Variants in CSMD1 observed in about 807,000 individuals in gnomAD.
The protein encoded by CSMD1 is CUB and sushi domain-containing protein 1.
A neutral mutation model predicts 417.5 loss-of-function variants in CSMD1; 213 were observed. The observed-to-expected ratio is 0.51, with a 90% confidence interval of 0.46 to 0.57. The LOEUF (loss-of-function observed/expected upper bound fraction) is 0.57. Among genes scored for constraint, CSMD1 ranks in the 20% least tolerant of loss-of-function variants. The pLI is 0.00. For missense variants in CSMD1, 6,923 were observed against 4,529.7 expected (o/e 1.53, Z -15.17); for synonymous variants, 2,862 against 1,736.8 (o/e 1.65, Z -16.11).
chr8:4,779,743 T>C (rs888053212), intron 1 of CSMD1, among the ~76,000 whole-genome samples: 1 of 152,056 alleles, frequency 6.6e-6, no homozygotes, highest in African/African-American at 2.4e-5. Context: ...AAATAAGAAA[T>C]AAATCCTGCT....
At chr8:4,524,473 G>C (rs1796404348) in intron 2 of CSMD1, among the ~76,000 whole-genome samples, 1 of 152,100 alleles carries the variant, frequency 6.6e-6, no homozygotes, top group South Asian at 2.1e-4. Context: ...AGCTGAGTGA[G>C]GCCACGTTGG....
chr8:4,730,854 C>G (rs2116954872), intron 1 of CSMD1, among the ~76,000 whole-genome samples: 1 of 152,168 alleles, frequency 6.6e-6, no homozygotes, highest in Non-Finnish European at 1.5e-5. Flanking sequence ...GAAATAAGAG[C>G]CGTAACGAGA....
intron 42 of CSMD1, among the ~76,000 whole-genome samples, chr8:3,110,997 G>A (rs1816478559): frequency 6.6e-6 from 1 of 152,002 alleles, no homozygotes; most frequent in African/African-American, 2.4e-5. Flanking sequence ...AAAATGACAT[G>A]TCCAAACACT....
At chr8:4,221,785 T>C (rs1269512997) in intron 3 of CSMD1, among the ~76,000 whole-genome samples, 1 of 152,190 alleles carries the variant, frequency 6.6e-6, no homozygotes, top group African/African-American at 2.4e-5. Flanking sequence ...ATATACATTC[T>C]GAAAGGTGGA....
At chr8:4,329,137 T>G (rs888288170) in intron 3 of CSMD1, among the ~76,000 whole-genome samples, 1 of 152,214 alleles carries the variant, frequency 6.6e-6, no homozygotes. Flanking sequence ...CAAACGTGTG[T>G]TATCTGTCTT....
At chr8:4,146,141 G>A (rs572761399) in intron 3 of CSMD1, among the ~76,000 whole-genome samples, 1 of 151,020 alleles carries the variant, frequency 6.6e-6, no homozygotes, top group South Asian at 2.1e-4. Flanking sequence ...GCCTACATAT[G>A]ATGGGTGACA....
chr8:4,414,303 C>T (rs1441875620), intron 3 of CSMD1, among the ~76,000 whole-genome samples: 1 of 152,170 alleles, frequency 6.6e-6, no homozygotes, highest in African/African-American at 2.4e-5. Flanking sequence ...AAGCCCCGCC[C>T]ATCCTAAATC....
intron 25 of CSMD1, among the ~76,000 whole-genome samples, chr8:3,291,532 A>C (rs979729892): frequency 6.6e-6 from 1 of 152,046 alleles, no homozygotes; most frequent in African/African-American, 2.4e-5. Flanking sequence ...CAGAGATTCA[A>C]CTTCTTCCTG....
chr8:4,417,917 T>C (rs928321439), intron 3 of CSMD1, among the ~76,000 whole-genome samples: 1 of 152,114 alleles, frequency 6.6e-6, no homozygotes, highest in Admixed American at 6.6e-5. Flanking sequence ...AAGTATTTGG[T>C]ACTTGCAATA....
chr8:4,168,961 C>G (rs1393352778), intron 3 of CSMD1, among the ~76,000 whole-genome samples: 15 of 152,120 alleles, frequency 9.9e-5, no homozygotes, highest in South Asian at 4.1e-4. Context: ...ATCATCTCTG[C>G]TATCCTCAGG....
chr8:4,693,485 T>C (rs1373534115), intron 1 of CSMD1, among the ~76,000 whole-genome samples: 1 of 152,184 alleles, frequency 6.6e-6, no homozygotes, highest in Non-Finnish European at 1.5e-5. Flanking sequence ...TGTGGGGACA[T>C]TAGTCCTATA....
chr8:3,134,417 G>A (rs1817963717), intron 41 of CSMD1, among the ~76,000 whole-genome samples: 1 of 152,142 alleles, frequency 6.6e-6, no homozygotes, highest in Admixed American at 6.5e-5. Flanking sequence ...AGTCCTTGTG[G>A]AGAACGTTTG....
chr8:3,223,295 C>G (rs1474238430), intron 28 of CSMD1, among the ~76,000 whole-genome samples: 2 of 152,226 alleles, frequency 1.3e-5, no homozygotes, highest in East Asian at 1.9e-4. Context: ...TTTCCAGGCT[C>G]TATTAAGTCT....
chr8:4,785,539 G>A (rs1265092568), intron 1 of CSMD1, among the ~76,000 whole-genome samples: 4 of 152,122 alleles, frequency 2.6e-5, no homozygotes, highest in Admixed American at 6.6e-5. Flanking sequence ...TTGGTTTCCT[G>A]AAATGCTGTG....
In CSMD1 at chr8:3,754,744, G is replaced by A. The variant is rs530540676; in HGVS notation, c.819-702C>T. On this transcript the variant is annotated intron_variant, in intron 5 of 69. Transcript: ENST00000635120. Reference sequence around the variant, plus strand: ...TGCTTGGATTACAAGCGTGAGCCACGGCGCCCGGCCACAAGACTTACGAAT... The same window carrying A: ...TGCTTGGATTACAAGCGTGAGCCACAGCGCCCGGCCACAAGACTTACGAAT... Among the ~76,000 whole-genome samples, 25 of 152,256 alleles carry A rather than the reference G, an allele frequency of 1.6e-4. No individual in the cohort carries two copies. The South Asian group carries it at 3.1e-3, about 19-fold the overall frequency.
At chr8:3,272,478 G>A (rs2117161597) in intron 26 of CSMD1, among the ~76,000 whole-genome samples, 1 of 149,082 alleles carries the variant, frequency 6.7e-6, no homozygotes, top group South Asian at 2.2e-4. Flanking sequence ...AAAGTCATTG[G>A]TAACTTGAAG....
At chr8:3,949,215 A>G (rs982635277) in intron 5 of CSMD1, among the ~76,000 whole-genome samples, 3 of 152,180 alleles carry the variant, frequency 2.0e-5, no homozygotes, top group African/African-American at 7.2e-5. Context: ...GACAACCCTT[A>G]AAATCTTCTG....
At chr8:3,710,814 G>A (rs1373970994) in intron 6 of CSMD1, among the ~76,000 whole-genome samples, 1 of 152,126 alleles carries the variant, frequency 6.6e-6, no homozygotes, top group Non-Finnish European at 1.5e-5. Flanking sequence ...GATGCACAGG[G>A]AAGACTATGC....
chr8:4,809,929 C>A (rs373524664), intron 1 of CSMD1, among the ~76,000 whole-genome samples: 18 of 152,170 alleles, frequency 1.2e-4, no homozygotes, highest in African/African-American at 4.1e-4. Flanking sequence ...AGTATATTAA[C>A]CTAAATCAGT....
Sources: allele counts gnomAD v4.1 joint callset (sites outside exome capture counted in the v4.1 genomes callset), GRCh38; gene constraint gnomAD v4.1.1; transcripts MANE v1.5; gene names NCBI Gene and HGNC (gene_info 2026-07-23, HGNC 2026-07-21).